Variants in SLC24A2 observed in about 807,000 individuals in gnomAD.
SLC24A2 encodes the protein sodium/potassium/calcium exchanger 2.
A neutral mutation model predicts 62.0 loss-of-function variants in SLC24A2; 36 were observed. The observed-to-expected ratio is 0.58, with a 90% CI of 0.44 to 0.77. SLC24A2 has a LOEUF of 0.77. Among genes scored for constraint, SLC24A2 ranks in the 30% least tolerant of loss-of-function variants. The probability of loss-of-function intolerance (pLI) is 0.00; values close to 1 mark genes in which losing one functional copy is unlikely to be tolerated. For synonymous variants in SLC24A2, 358 were observed against 294.0 expected, an observed-to-expected ratio of 1.22 and a Z score of -2.23; for missense variants, 846 against 817.9, an observed-to-expected ratio of 1.03 and a Z score of -0.42.
chr9:19,634,331 C>T (rs780150764), intron 2 of SLC24A2, among the ~76,000 whole-genome samples: 1 of 147,252 alleles, frequency 6.8e-6, no homozygotes, highest in African/African-American at 2.5e-5. Context: ...TCTTGTTGCC[C>T]AGGCTGGAGT....
At chr9:19,793,947 T>A (rs989264333), upstream of SLC24A2, among the ~76,000 whole-genome samples, 9 of 152,252 alleles carry the variant, frequency 5.9e-5, no homozygotes, top group Non-Finnish European at 1.0e-4. Context: ...TTAAGAAATG[T>A]TCTCCTCAGG....
At chr9:20,041,000 A>C in the SLC24A2 span, among the ~76,000 whole-genome samples, 1 of 152,184 alleles carries the variant, frequency 6.6e-6, no homozygotes, top group African/African-American at 2.4e-5. Flanking sequence ...ATTCTCTCCT[A>C]AAAAGGGCAG....
At chr9:19,923,634 T>C in the SLC24A2 span, among the ~76,000 whole-genome samples, 1 of 152,250 alleles carries the variant, frequency 6.6e-6, no homozygotes, top group East Asian at 1.9e-4. Flanking sequence ...CAAGTTCACA[T>C]TGTTGAAGAA....
chr9:19,868,913 C>T, the SLC24A2 span, among the ~76,000 whole-genome samples: 2 of 152,100 alleles, frequency 1.3e-5, no homozygotes, highest in East Asian at 1.9e-4. Context: ...TTTAAAAAAT[C>T]TAGTCTGATA....
At chr9:20,041,786 C>G in the SLC24A2 span, among the ~76,000 whole-genome samples, 1 of 152,248 alleles carries the variant, frequency 6.6e-6, no homozygotes, top group Admixed American at 6.5e-5. Context: ...AGTCGGGGGT[C>G]TAAGAAGCAC....
intron 8 of SLC24A2, among the ~76,000 whole-genome samples, chr9:19,533,322 T>C (rs1833796217): frequency 6.6e-6 from 1 of 152,212 alleles, no homozygotes; most frequent in African/African-American, 2.4e-5. Context: ...TCCGTATGTA[T>C]TTTCTCAAGA....
At chr9:19,873,030 GA>G in the SLC24A2 span, among the ~76,000 whole-genome samples, 2 of 151,106 alleles carry the variant, frequency 1.3e-5, no homozygotes, top group Non-Finnish European at 2.9e-5. Flanking sequence ...GGGCATTATA[GA>G]AATAAGCATA....
the SLC24A2 span, among the ~76,000 whole-genome samples, chr9:19,977,956 A>G: frequency 6.6e-6 from 1 of 152,160 alleles, no homozygotes; most frequent in African/African-American, 2.4e-5. Context: ...TGGACAGATA[A>G]GTGATGGCTA....
the SLC24A2 span, among the ~76,000 whole-genome samples, chr9:19,829,381 A>T: frequency 6.6e-6 from 1 of 152,256 alleles, no homozygotes; most frequent in African/African-American, 2.4e-5. Context: ...AGACTAAATG[A>T]TTTGCTATTG....
the SLC24A2 span, among the ~76,000 whole-genome samples, chr9:20,102,804 G>T: frequency 4.6e-5 from 7 of 152,082 alleles, no homozygotes; most frequent in Admixed American, 1.3e-4. Flanking sequence ...TTCCATCTCA[G>T]GTACTGAGTT....
chr9:20,107,382 G>A, the SLC24A2 span, among the ~76,000 whole-genome samples: 1,014 of 149,826 alleles, frequency 6.8e-3, 26 homozygotes, highest in African/African-American at 0.024. Context: ...AGCCCACATT[G>A]CCAAGTCAAT....
the SLC24A2 span, among the ~76,000 whole-genome samples, chr9:20,100,023 T>C: frequency 6.6e-6 from 1 of 151,846 alleles, no homozygotes; most frequent in African/African-American, 2.4e-5. Flanking sequence ...CTATTCATCT[T>C]TTTTTTTCTT....
At chr9:19,973,260 C>T in the SLC24A2 span, among the ~76,000 whole-genome samples, 11 of 152,142 alleles carry the variant, frequency 7.2e-5, no homozygotes, top group South Asian at 4.2e-4. Flanking sequence ...GGCATTTATC[C>T]GGGACATGAT....
chr9:19,636,334 T>C (rs1274969893), intron 2 of SLC24A2, among the ~76,000 whole-genome samples: 25 of 25,954 alleles, frequency 9.6e-4, no homozygotes, highest in African/African-American at 2.7e-3. Context: ...TTTCTTTCTT[T>C]CTTTCTTTCT....
chr9:20,074,353 G>C, the SLC24A2 span, among the ~76,000 whole-genome samples: 8 of 151,788 alleles, frequency 5.3e-5, no homozygotes, highest in African/African-American at 1.9e-4. Flanking sequence ...CTAAGAAATT[G>C]ACATGGCATC....
the SLC24A2 span, among the ~76,000 whole-genome samples, chr9:19,936,307 T>C: frequency 6.6e-6 from 1 of 152,210 alleles, no homozygotes; most frequent in Non-Finnish European, 1.5e-5. Context: ...CACAGTCTCC[T>C]TCTGTTCCCA....
intron 5 of SLC24A2, among the ~76,000 whole-genome samples, chr9:19,595,506 G>A (rs1378709405): frequency 1.3e-5 from 2 of 152,166 alleles, no homozygotes; most frequent in African/African-American, 4.8e-5. Context: ...CAATTTGACA[G>A]TTTTGCTCAG....
chr9:19,760,737 G>A (rs1461084011), intron 2 of SLC24A2, among the ~76,000 whole-genome samples: 2 of 151,898 alleles, frequency 1.3e-5, no homozygotes, highest in Middle Eastern at 3.2e-3. Context: ...TGGTGTATAT[G>A]TGCCACCTTT....
At chr9:20,080,469 A>C in the SLC24A2 span, among the ~76,000 whole-genome samples, 14 of 152,288 alleles carry the variant, frequency 9.2e-5, no homozygotes, top group African/African-American at 2.6e-4. Context: ...CTTATACAAA[A>C]ATTAATTCAA....
Sources: allele counts gnomAD v4.1 joint callset (sites outside exome capture counted in the v4.1 genomes callset), GRCh38; gene constraint gnomAD v4.1.1; transcripts MANE v1.5; gene names NCBI Gene and HGNC (gene_info 2026-07-23, HGNC 2026-07-21).